DCC: variants seen among roughly 807,000 people sequenced by gnomAD.
DCC encodes netrin receptor DCC.
Under a neutral mutation model 172.5 loss-of-function variants are expected in DCC, and 58 were observed. That is an observed-to-expected ratio of 0.34 (90% CI 0.27 to 0.42). The LOEUF is 0.42. Ranked by LOEUF, DCC falls within the 10% of genes least tolerant of loss-of-function variation. The pLI, the probability that DCC is intolerant of heterozygous loss-of-function variation, is 1.00. For synonymous variants in DCC, 709 were observed against 644.5 expected, an observed-to-expected ratio of 1.10 and a Z score of -1.52; for missense variants, 1,740 against 1,791.0, an observed-to-expected ratio of 0.97 and a Z score of 0.51.
intron 1 of DCC, among the ~76,000 whole-genome samples, chr18:52,694,493 A>G (rs1043434332): frequency 1.3e-5 from 2 of 152,182 alleles, no homozygotes; most frequent in Non-Finnish European, 2.9e-5. Flanking sequence ...ACACTGTTCT[A>G]TAACCCAGCA....
intron 12 of DCC, among the ~76,000 whole-genome samples, chr18:53,233,454 C>T (rs1248222148): frequency 6.6e-6 from 1 of 152,134 alleles, no homozygotes; most frequent in Non-Finnish European, 1.5e-5. Flanking sequence ...TACACTTTTT[C>T]CCTAGAATAT....
chr18:52,546,206 C>T (rs1020130578), intron 1 of DCC, among the ~76,000 whole-genome samples: 4 of 152,114 alleles, frequency 2.6e-5, no homozygotes, highest in Middle Eastern at 6.8e-3. Flanking sequence ...TAAATTAATA[C>T]AAAATAAGAT....
intron 1 of DCC, among the ~76,000 whole-genome samples, chr18:52,735,120 C>T (rs945025590): frequency 2.0e-5 from 3 of 152,084 alleles, no homozygotes; most frequent in Admixed American, 6.6e-5. Flanking sequence ...TTGTATCCTT[C>T]TCCACCATCA....
At chr18:52,738,960 C>T (rs568248729) in intron 1 of DCC, among the ~76,000 whole-genome samples, 2 of 151,376 alleles carry the variant, frequency 1.3e-5, no homozygotes, top group Non-Finnish European at 2.9e-5. Flanking sequence ...GTTGCTCAGG[C>T]TTGTCTTAAA....
At chr18:53,372,488 AG>A (rs1355237399) in intron 15 of DCC, among the ~76,000 whole-genome samples, 1 of 152,094 alleles carries the variant, frequency 6.6e-6, no homozygotes, top group Non-Finnish European at 1.5e-5. Flanking sequence ...GGAGAAGATT[AG>A]AAAAAATACC....
intron 5 of DCC, among the ~76,000 whole-genome samples, chr18:52,979,107 G>A (rs1412785846): frequency 6.6e-6 from 1 of 152,122 alleles, no homozygotes; most frequent in Non-Finnish European, 1.5e-5. Flanking sequence ...ACAATAAGGT[G>A]GTACTTGAGG....
chr18:52,894,008 C>T lies in DCC; in HGVS notation c.413-12036C>T, dbSNP rs75840638. 9.0e-4 allele frequency among the ~76,000 whole-genome samples: 137 copies of T among 152,294 alleles called. 1 individual carries two copies. In the East Asian group the frequency reaches 0.013, roughly 14 times the overall value. ...CTGACTTACTTGCCATCTCTAAAAA[C>T]ATGTGCAGTCTTTAGATTCACTGTT... On this transcript the variant is annotated intron_variant, in intron 2 of 28. Transcript: ENST00000442544.
chr18:53,008,531 G>C (rs190143704), intron 5 of DCC, among the ~76,000 whole-genome samples: 25 of 152,072 alleles, frequency 1.6e-4, no homozygotes, highest in Non-Finnish European at 2.8e-4. Context: ...AACTTTACTT[G>C]TAAGTGAATT....
chr18:52,796,701 G>C (rs74819276), intron 2 of DCC, among the ~76,000 whole-genome samples: 6,568 of 152,204 alleles, frequency 0.043, 221 homozygotes, highest in South Asian at 0.16. Context: ...TCTGATGGAG[G>C]TTCCCTTTTA....
At chr18:53,087,663 A>C (rs1021202146) in intron 7 of DCC, among the ~76,000 whole-genome samples, 10 of 152,152 alleles carry the variant, frequency 6.6e-5, no homozygotes, top group Middle Eastern at 3.4e-3. Context: ...TGTTTTAGAC[A>C]TGAAGTCCTT....
intron 1 of DCC, among the ~76,000 whole-genome samples, chr18:52,652,014 A>C (rs187491946): frequency 6.6e-6 from 1 of 152,356 alleles, no homozygotes; most frequent in East Asian, 1.9e-4. Flanking sequence ...GTGCAACGCA[A>C]CTTGAGGAAA....
intron 1 of DCC, among the ~76,000 whole-genome samples, chr18:52,572,000 T>C (rs1315956946): frequency 6.6e-6 from 1 of 152,210 alleles, no homozygotes; most frequent in Non-Finnish European, 1.5e-5. Context: ...ATAGAACATA[T>C]GTAACATATA....
At chr18:52,462,914 G>T (rs1366666672) in intron 1 of DCC, among the ~76,000 whole-genome samples, 2 of 152,142 alleles carry the variant, frequency 1.3e-5, no homozygotes, top group Non-Finnish European at 2.9e-5. Context: ...ATTTCTGACA[G>T]TTCCTAACTG....
intron 1 of DCC, among the ~76,000 whole-genome samples, chr18:52,678,107 G>A (rs1391749322): frequency 6.6e-6 from 1 of 152,096 alleles, no homozygotes; most frequent in Non-Finnish European, 1.5e-5. Context: ...CTGTATTCTT[G>A]ACTATACTGA....
chr18:52,363,057 T>C (rs772018802), intron 1 of DCC, among the ~76,000 whole-genome samples: 23 of 151,968 alleles, frequency 1.5e-4, no homozygotes, highest in Non-Finnish European at 2.9e-4. Flanking sequence ...TGCCAACACG[T>C]AGTAGAGATG....
intron 2 of DCC, among the ~76,000 whole-genome samples, chr18:52,797,170 T>C (rs2037891950): frequency 6.6e-6 from 1 of 152,188 alleles, no homozygotes; most frequent in East Asian, 1.9e-4. Context: ...ATAAATTGTT[T>C]CTCTGATTTA....
chr18:52,773,947 G>A (rs1161129961), intron 2 of DCC, among the ~76,000 whole-genome samples: 2 of 152,168 alleles, frequency 1.3e-5, no homozygotes, highest in East Asian at 1.9e-4. Context: ...TGAAGCTGCA[G>A]CCAACCAAAT....
At chr18:52,547,178 C>T (rs2032639808) in intron 1 of DCC, among the ~76,000 whole-genome samples, 1 of 152,184 alleles carries the variant, frequency 6.6e-6, no homozygotes, top group African/African-American at 2.4e-5. Context: ...TTATCCAAGA[C>T]ATCCAATTGC....
chr18:53,113,965 T>C (rs1192994811), intron 7 of DCC, among the ~76,000 whole-genome samples: 1 of 151,518 alleles, frequency 6.6e-6, no homozygotes, highest in Non-Finnish European at 1.5e-5. Flanking sequence ...ATTTCTGAAT[T>C]TTCTGAAGCT....
Sources: allele counts gnomAD v4.1 joint callset (sites outside exome capture counted in the v4.1 genomes callset), GRCh38; gene constraint gnomAD v4.1.1; transcripts MANE v1.5; gene names NCBI Gene and HGNC (gene_info 2026-07-23, HGNC 2026-07-21).